Variants in SH3BGRL2 observed in about 807,000 individuals in gnomAD.
SH3BGRL2 encodes the protein SH3 domain binding glutamate rich protein like 2, also known as SH3 domain-binding glutamic acid-rich-like protein 2.
SH3BGRL2 carries 21 observed loss-of-function variants against 14.8 expected under a neutral mutation model. The ratio of observed to expected loss-of-function variants is 1.42; its 90% CI spans 1.01 to 2.05. The LOEUF is 2.05. Ranked by LOEUF, SH3BGRL2 falls within the 30% of genes most tolerant of loss-of-function variation. The pLI, the probability that SH3BGRL2 is intolerant of heterozygous loss-of-function variation, is 0.00. For missense variants in SH3BGRL2, 147 were observed against 130.8 expected (o/e 1.12, Z -0.61); for synonymous variants, 50 against 47.8 (o/e 1.05, Z -0.19).
chr6:79,669,477 A>C lies in SH3BGRL2; in HGVS notation c.46-4137A>C, dbSNP rs997181841. Reference sequence around the variant, plus strand: ...CTTTTTTTTTTTTTTTTTTTGAGACAAAGTTTCGCCCTTGTTGCCTAGGCC... The same window carrying C: ...CTTTTTTTTTTTTTTTTTTTGAGACCAAGTTTCGCCCTTGTTGCCTAGGCC... On this transcript the variant is annotated intron_variant, in intron 1 of 3. Transcript: ENST00000369838. Among the ~76,000 whole-genome samples, 3 of 134,690 alleles carry C rather than the reference A, an allele frequency of 2.2e-5. No individual in the cohort carries two copies. In the Admixed American group the frequency reaches 2.4e-4, roughly 11 times the overall value. 88.4% of individuals were successfully genotyped at this position (134,690 alleles called of 152,430 possible).
At chr6:79,665,811 A>G (rs949324984) in intron 1 of SH3BGRL2, among the ~76,000 whole-genome samples, 1 of 152,232 alleles carries the variant, frequency 6.6e-6, no homozygotes, top group Admixed American at 6.5e-5. Flanking sequence ...CCTTTATTTT[A>G]TAATCTGTCT....
chr6:79,546,663 G>A, the SH3BGRL2 span, among the ~76,000 whole-genome samples: 6 of 151,936 alleles, frequency 3.9e-5, no homozygotes, highest in African/African-American at 1.5e-4. Context: ...AGAGGAGATT[G>A]GCATCTCCCT....
At chr6:79,693,493 T>A (rs1299802058) in intron 2 of SH3BGRL2, among the ~76,000 whole-genome samples, 1 of 150,470 alleles carries the variant, frequency 6.6e-6, no homozygotes, top group Non-Finnish European at 1.5e-5. Context: ...TGGCTGTGGG[T>A]TTGTCATAGA....
chr6:79,582,051 T>G, the SH3BGRL2 span, among the ~76,000 whole-genome samples: 3 of 152,058 alleles, frequency 2.0e-5, no homozygotes, highest in African/African-American at 7.2e-5. Context: ...ACTAAGAGAA[T>G]AAAATACCTA....
At chr6:79,544,088 A>T in the SH3BGRL2 span, among the ~76,000 whole-genome samples, 53 of 152,146 alleles carry the variant, frequency 3.5e-4, no homozygotes, top group Non-Finnish European at 3.2e-4. Flanking sequence ...ATGGGTTCTC[A>T]GTTCCTGTTT....
At chr6:79,612,992 C>T in the SH3BGRL2 span, among the ~76,000 whole-genome samples, 4 of 152,172 alleles carry the variant, frequency 2.6e-5, no homozygotes. Context: ...CGACTGCTGA[C>T]CCTGCCATCA....
chr6:79,646,916 A>G (rs920254521), intron 1 of SH3BGRL2, among the ~76,000 whole-genome samples: 17 of 152,360 alleles, frequency 1.1e-4, no homozygotes, highest in Admixed American at 4.6e-4. Context: ...TGAATGTACC[A>G]GAGTTTGTTT....
chr6:79,658,891 A>G (rs1454688913), intron 1 of SH3BGRL2, among the ~76,000 whole-genome samples: 1 of 152,240 alleles, frequency 6.6e-6, no homozygotes, highest in Non-Finnish European at 1.5e-5. Context: ...TCTGACGACC[A>G]GTGATGAGGA....
the SH3BGRL2 span, chr6:79,574,908 T>A: frequency 7.9e-5 from 12 of 152,278 alleles, no homozygotes; most frequent in South Asian, 8.3e-4. Context: ...CACAAGCCCC[T>A]CTAGGTGGCT....
the SH3BGRL2 span, among the ~76,000 whole-genome samples, chr6:79,612,475 T>C: frequency 7.9e-5 from 12 of 152,196 alleles, no homozygotes; most frequent in East Asian, 1.9e-3. Flanking sequence ...ATTATTATCA[T>C]GGATCTAACA....
At chr6:79,589,879 T>C in the SH3BGRL2 span, among the ~76,000 whole-genome samples, 1 of 152,268 alleles carries the variant, frequency 6.6e-6, no homozygotes, top group Non-Finnish European at 1.5e-5. Context: ...TCAAGTGATC[T>C]TTCCACCTCA....
chr6:79,607,081 A>G, the SH3BGRL2 span, among the ~76,000 whole-genome samples: 1 of 152,172 alleles, frequency 6.6e-6, no homozygotes, highest in Non-Finnish European at 1.5e-5. Flanking sequence ...GTTTTATGAG[A>G]ATATAAATAA....
At chr6:79,555,974 C>T in the SH3BGRL2 span, among the ~76,000 whole-genome samples, 1 of 152,048 alleles carries the variant, frequency 6.6e-6, no homozygotes, top group Non-Finnish European at 1.5e-5. Flanking sequence ...AAGAATTATT[C>T]ACTAAATGAT....
At chr6:79,652,532 G>A (rs557736930) in intron 1 of SH3BGRL2, among the ~76,000 whole-genome samples, 3 of 152,158 alleles carry the variant, frequency 2.0e-5, no homozygotes, top group Non-Finnish European at 4.4e-5. Flanking sequence ...CAGGTGTACA[G>A]TAGGACATGA....
At chr6:79,643,566 C>T (rs771472451) in intron 1 of SH3BGRL2, among the ~76,000 whole-genome samples, 40 of 152,240 alleles carry the variant, frequency 2.6e-4, no homozygotes, top group Admixed American at 7.9e-4. Context: ...ACTAATATTT[C>T]GTGATAATAA....
At chr6:79,621,711 T>C in the SH3BGRL2 span, among the ~76,000 whole-genome samples, 1 of 152,154 alleles carries the variant, frequency 6.6e-6, no homozygotes, top group Admixed American at 6.5e-5. Flanking sequence ...TCCCAGGGGA[T>C]GAATGATAAC....
the SH3BGRL2 span, among the ~76,000 whole-genome samples, chr6:79,590,424 G>GATATATATATATATATATAT: frequency 1.5e-4 from 10 of 66,680 alleles, no homozygotes; most frequent in South Asian, 1.1e-3. Flanking sequence ...AAGAAAATGT[G>GATATATATATATATATATAT]ATATATATAT....
the SH3BGRL2 span, among the ~76,000 whole-genome samples, chr6:79,560,943 T>C: frequency 7.1e-6 from 1 of 140,996 alleles, no homozygotes; most frequent in South Asian, 2.4e-4. Flanking sequence ...TGCAATGGCG[T>C]GATCTCAGCT....
the SH3BGRL2 span, among the ~76,000 whole-genome samples, chr6:79,586,235 CTTTTTTTTTT>C: frequency 1.8e-5 from 1 of 54,962 alleles, no homozygotes; most frequent in Non-Finnish European, 3.1e-5. Flanking sequence ...GTATGGACTT[CTTTTTTTTTT>C]TTTTTTTTTT....
Sources: allele counts gnomAD v4.1 joint callset (sites outside exome capture counted in the v4.1 genomes callset), GRCh38; gene constraint gnomAD v4.1.1; transcripts MANE v1.5; gene names NCBI Gene and HGNC (gene_info 2026-07-23, HGNC 2026-07-21).